SEC14L6: variants seen among roughly 807,000 people sequenced by gnomAD.
SEC14L6 encodes the protein SEC14-like protein 6.
In SEC14L6, 40 loss-of-function variants were observed where a neutral mutation model predicts 54.1. The observed-to-expected ratio is 0.74, with a 90% CI of 0.57 to 0.96. The LOEUF (loss-of-function observed/expected upper bound fraction) is 0.96, where lower values mean the gene tolerates loss of function less well. Among genes scored for constraint, SEC14L6 ranks in the 40% least tolerant of loss-of-function variants. The pLI is 0.00. For missense variants in SEC14L6, 471 were observed against 498.3 expected, an observed-to-expected ratio of 0.95 and a Z score of 0.52; for synonymous variants, 171 against 198.4, an observed-to-expected ratio of 0.86 and a Z score of 1.16.
intron 1 of SEC14L6, among the ~76,000 whole-genome samples, chr22:30,545,929 C>G (rs1172976652): frequency 6.6e-6 from 1 of 152,008 alleles, no homozygotes; most frequent in Non-Finnish European, 1.5e-5. Context: ...CTCCTGGGTT[C>G]AAACGATTCT....
intron 6 of SEC14L6, among the ~76,000 whole-genome samples, chr22:30,530,959 T>C (rs1402852662): frequency 6.6e-6 from 1 of 152,000 alleles, no homozygotes; most frequent in Non-Finnish European, 1.5e-5. Context: ...AGAGCCAGAA[T>C]ATGAGGACAG....
intron 1 of SEC14L6, among the ~76,000 whole-genome samples, chr22:30,544,653 T>C (rs2085780289): frequency 6.6e-6 from 1 of 152,066 alleles, no homozygotes; most frequent in Non-Finnish European, 1.5e-5. Flanking sequence ...GAGCCATGAG[T>C]CCTGGAGGAG....
chr22:30,542,162 G>A (rs2085729969), intron 1 of SEC14L6, among the ~76,000 whole-genome samples: 1 of 152,014 alleles, frequency 6.6e-6, no homozygotes, highest in Non-Finnish European at 1.5e-5. Context: ...CTACCAGAAA[G>A]TCCACTCCAG....
intron 8 of SEC14L6, 100 bp from the exon 9 acceptor site, chr22:30,526,032 C>G (rs1936769357): frequency 2.1e-6 from 3 of 1,404,060 alleles, no homozygotes; most frequent in Non-Finnish European, 3.0e-6. Flanking sequence ...GCTGCTCTCC[C>G]TCCCTGGCGC....
chr22:30,529,440 C>A (rs1408697696), intron 6 of SEC14L6, 91 bp from the exon 7 acceptor site: 2 of 1,064,758 alleles, frequency 1.9e-6, no homozygotes, highest in Non-Finnish European at 2.8e-6. Flanking sequence ...AAGGGCACAG[C>A]CTTGGCCTCG....
At chr22:30,542,561 T>A in intron 1 of SEC14L6, 3 of 1,378,506 alleles carry the variant, frequency 2.2e-6, no homozygotes, top group Non-Finnish European at 2.8e-6. Flanking sequence ...GCGGGCGGCG[T>A]AGCCGCGGCC....
In SEC14L6 at chr22:30,529,380, G is replaced by A. The variant is rs1326560493; in HGVS notation, c.520-31C>T. 2.2e-5 allele frequency: 34 copies of A among 1,529,022 alleles called. No individual in the cohort carries two copies. In the South Asian group the frequency reaches 3.1e-4, roughly 14 times the overall value. 94.7% of individuals were successfully genotyped at this position (1,529,022 alleles called of 1,614,324 possible). A position where few individuals can be genotyped will look rare whatever the true frequency, so the allele number is the denominator to read the frequency against. Reference sequence around the variant, plus strand: ...GAACCAAGTGGCAGAAGTGATGGGCGTCTGAACACTGTCCCCTTGCATCCC... The same window carrying A: ...GAACCAAGTGGCAGAAGTGATGGGCATCTGAACACTGTCCCCTTGCATCCC... On this transcript the variant is annotated intron_variant, in intron 6 of 11. Coordinates refer to ENST00000402034, the MANE Select transcript of SEC14L6 (RefSeq NM_001193336.4).
In SEC14L6 at chr22:30,524,705, T is replaced by C; in HGVS notation, c.*292A>G. The C allele has an allele frequency of 3.4e-6, 1 of 294,024 alleles. No individual in the cohort carries two copies. The highest frequency in any genetic ancestry group is 4.7e-5 in the South Asian group (1 of 21,374). 18.2% of individuals were successfully genotyped at this position (294,024 alleles called of 1,614,324 possible). A position where few individuals can be genotyped will look rare whatever the true frequency, so the allele number is the denominator to read the frequency against. Reference sequence around the variant, plus strand: ...TACTATATTTTAGAAGAGTAACTTATTTCTTGGTATTGGTTGATAGAAAAA... The same window carrying C: ...TACTATATTTTAGAAGAGTAACTTACTTCTTGGTATTGGTTGATAGAAAAA... On this transcript the variant is annotated 3_prime_UTR_variant, in exon 12 of 12. Transcript: ENST00000402034.
chr22:30,537,893 TA>T (rs1196678633), intron 2 of SEC14L6, among the ~76,000 whole-genome samples: 3 of 152,240 alleles, frequency 2.0e-5, no homozygotes, highest in Non-Finnish European at 4.4e-5. Flanking sequence ...TCGGAGCACT[TA>T]TTCTATCTCA....
chr22:30,529,682 G>A (rs185471382), intron 6 of SEC14L6, among the ~76,000 whole-genome samples: 2,666 of 152,204 alleles, frequency 0.018, 50 homozygotes, highest in Middle Eastern at 0.048. Context: ...GGGCTCAAGT[G>A]ATCCTCCCAC....
intron 2 of SEC14L6, among the ~76,000 whole-genome samples, chr22:30,534,897 C>A (rs1407585483): frequency 6.6e-6 from 1 of 151,898 alleles, no homozygotes; most frequent in African/African-American, 2.4e-5. Context: ...TGGTGGTGGG[C>A]ACCTGTAATC....
chr22:30,532,704 G>A lies in SEC14L6; in HGVS notation c.244C>T (p.Leu82=). Residue 82 remains leucine, a synonymous_variant, in exon 5 of 12, where the codon CTG becomes TTG. Coordinates refer to ENST00000402034, the MANE Select transcript of SEC14L6 (RefSeq NM_001193336.4). ...LAWQPPEVVR[L]YNANGICGHD... ...CCGCATATGCCGTTAGCGTTGTACA[G>A]CCTGACCACCTGGATGCATACACAG... The A allele has an allele frequency of 6.4e-7, 1 of 1,566,304 alleles. No individual in the cohort carries two copies. The highest frequency in any genetic ancestry group is 1.2e-5 in the South Asian group (1 of 86,142).
chr22:30,533,741 C>T (rs1203632447), intron 3 of SEC14L6, among the ~76,000 whole-genome samples: 1 of 152,174 alleles, frequency 6.6e-6, no homozygotes, highest in African/African-American at 2.4e-5. Flanking sequence ...CTCTTCCCTC[C>T]TTCCCTGTTT....
At chr22:30,543,990 C>G (rs2085770739) in intron 1 of SEC14L6, 9 of 1,601,136 alleles carry the variant, frequency 5.6e-6, no homozygotes, top group Non-Finnish European at 7.7e-6. Context: ...CTGACCTGGA[C>G]ATGGTGCACC....
At chr22:30,533,918 A>G (rs4820864) in intron 3 of SEC14L6, 78 bp downstream of exon 3, 513,709 of 1,283,568 alleles carry the variant, frequency 0.4, 103,448 homozygotes, top group African/African-American at 0.41. Flanking sequence ...TGGATGGATG[A>G]ATGAATGAAT....
intron 11 of SEC14L6, 112 bp downstream of exon 11, chr22:30,525,238 A>AC: frequency 7.2e-7 from 1 of 1,390,992 alleles, no homozygotes; most frequent in Admixed American, 2.0e-5. Context: ...AGCCAGCCTC[A>AC]CACTGTGCCC....
intron 2 of SEC14L6, among the ~76,000 whole-genome samples, chr22:30,535,997 A>G (rs987266511): frequency 1.3e-5 from 2 of 150,884 alleles, no homozygotes; most frequent in African/African-American, 4.9e-5. Context: ...AGTGGCTGGA[A>G]CCACAGGTGT....
At position 30,542,519 on chromosome 22, in the gene SEC14L6, C is replaced by G. The variant is rs2085738649; in HGVS notation, c.55-3617G>C. 8.9e-6 allele frequency: 8 copies of G among 903,526 alleles called. No individual in the cohort carries two copies. In the Admixed American group the frequency reaches 2.7e-4, roughly 30 times the overall value. The allele number at this position is 903,526 out of a possible 1,614,324, so 56.0% of individuals were successfully genotyped here. ...AGCGGGGACCCGGCCTCTGGGCAGC[C>G]CCGGCGGCGCTTCTAGTGCCTTCCA... On this transcript the variant is annotated intron_variant, in intron 1 of 11. Transcript: ENST00000402034.
chr22:30,531,264 C>T (rs1009732587), intron 6 of SEC14L6, among the ~76,000 whole-genome samples: 4 of 150,442 alleles, frequency 2.7e-5, no homozygotes, highest in East Asian at 2.0e-4. Context: ...AAAAATTAGC[C>T]GGGCGTGGTG....
Sources: gnomAD v4.1 joint callset for allele counts (sites outside exome capture counted in the v4.1 genomes callset) on GRCh38, gnomAD v4.1.1 for gene constraint, MANE v1.5 for transcripts, NCBI Gene and HGNC (gene_info 2026-07-23, HGNC 2026-07-21) for gene names.